The following GEMIN8 variants were observed in gnomAD, a reference collection of about 807,000 sequenced individuals.
The protein encoded by GEMIN8 is gem nuclear organelle associated protein 8.
For missense variants in GEMIN8, 185 were observed against 205.9 expected, an observed-to-expected ratio of 0.90 and a Z score of 0.62; for synonymous variants, 80 against 78.5, an observed-to-expected ratio of 1.02 and a Z score of -0.10.
At chrX:13,991,559 C>A in the GEMIN8 span, among the ~76,000 whole-genome samples, 4 of 111,561 alleles carry the variant, frequency 3.6e-5, no homozygotes. Context: ...CCTGTTCTAC[C>A]TCCTCTCAAT....
chrX:14,000,707 CTT>C, the GEMIN8 span, among the ~76,000 whole-genome samples: 2 of 111,189 alleles, frequency 1.8e-5, no homozygotes, highest in Non-Finnish European at 3.8e-5. Context: ...AGATTTGTCT[CTT>C]CTCTCCATAT....
At chrX:14,005,195 T>G (rs1023513), downstream of GEMIN8, among the ~76,000 whole-genome samples, 1 of 108,261 alleles carries the variant, frequency 9.2e-6, no homozygotes, top group African/African-American at 3.4e-5. Flanking sequence ...TCTAATGAGG[T>G]GACTCTTGGT....
At chrX:13,984,867 G>A in the GEMIN8 span, among the ~76,000 whole-genome samples, 21 of 111,757 alleles carry the variant, frequency 1.9e-4, no homozygotes, top group Non-Finnish European at 1.9e-4. Flanking sequence ...TAGCCACTAG[G>A]GCAAGGGAGT....
At chrX:14,027,135 C>A (rs1038011544) in intron 1 of GEMIN8, 1 of 112,990 alleles carries the variant, frequency 8.9e-6, no homozygotes, top group Non-Finnish European at 1.9e-5. Context: ...ATAACCCTAT[C>A]ACAGAAGATG....
chrX:14,005,600 T>C (rs1360688730), downstream of GEMIN8, among the ~76,000 whole-genome samples: 1 of 105,267 alleles, frequency 9.5e-6, no homozygotes, highest in Non-Finnish European at 2.0e-5. Flanking sequence ...TGAGCCTTCC[T>C]AGGAAATTAA....
chrX:13,992,440 A>T, the GEMIN8 span, among the ~76,000 whole-genome samples: 1 of 111,634 alleles, frequency 9.0e-6, no homozygotes, highest in African/African-American at 3.3e-5. Context: ...ATAGGTAGAG[A>T]AATGTCAAAA....
At chrX:14,018,766 C>CT (rs58528171) in intron 4 of GEMIN8, among the ~76,000 whole-genome samples, 1,577 of 91,779 alleles carry the variant, frequency 0.017, 14 homozygotes, top group Non-Finnish European at 0.021. Flanking sequence ...CTTTTCTTTT[C>CT]TTTTTTTTTT....
At chrX:14,021,547 A>G in intron 2 of GEMIN8, 36 bp from the exon 3 acceptor site, 1 of 1,022,321 alleles carries the variant, frequency 9.8e-7, no homozygotes, top group African/African-American at 1.9e-5. Context: ...ACGTCTGATC[A>G]GTATGGCTGT....
At chrX:14,006,249 G>A (rs139345062), downstream of GEMIN8, among the ~76,000 whole-genome samples, 517 of 110,388 alleles carry the variant, frequency 4.7e-3, 4 homozygotes, top group African/African-American at 0.016. Flanking sequence ...GGCTGGTCTC[G>A]AACTCCTGAC....
intron 2 of GEMIN8, among the ~76,000 whole-genome samples, chrX:14,021,812 G>A (rs1296110374): frequency 2.2e-5 from 1 of 44,707 alleles, no homozygotes; most frequent in South Asian, 9.5e-4. Flanking sequence ...GTTAATGTGT[G>A]TGTATATATA....
Position 14,007,694 on chromosome X carries a change from A to C in GEMIN8, c.*1219T>G, listed in dbSNP as rs1422603874. Among the ~76,000 whole-genome samples, 1 of 108,532 alleles carries C rather than the reference A, an allele frequency of 9.2e-6. No homozygotes were observed. Among genetic ancestry groups the C allele is most frequent in the African/African-American group, 3.4e-5 (1 of 29,705 alleles). The allele number at this position is 108,532 out of a possible 115,157, so 94.2% of individuals were successfully genotyped here. A position where few individuals can be genotyped will look rare whatever the true frequency, so the allele number is the denominator to read the frequency against. ...AGGTGCCCGCCACCACGCCCGGCTA[A>C]TTTTTTGTATTTTTAGTAGAGATGG... On this transcript the variant is annotated 3_prime_UTR_variant, in exon 5 of 5. Transcript: ENST00000680255.
At chrX:13,994,743 TC>T in the GEMIN8 span, among the ~76,000 whole-genome samples, 1 of 112,205 alleles carries the variant, frequency 8.9e-6, no homozygotes, top group Non-Finnish European at 1.9e-5. Flanking sequence ...CCTCAAACTG[TC>T]CCATGGAGTA....
intron 2 of GEMIN8, among the ~76,000 whole-genome samples, chrX:14,021,965 CATAT>C (rs202216701): frequency 7.2e-5 from 7 of 97,500 alleles, no homozygotes; most frequent in African/African-American, 2.3e-4. Context: ...TATGTATACA[CATAT>C]ATATGTGTGT....
chrX:14,004,757 T>C (rs1285246779), downstream of GEMIN8, among the ~76,000 whole-genome samples: 3 of 111,524 alleles, frequency 2.7e-5, no homozygotes, highest in African/African-American at 9.8e-5. Context: ...GAGACGGGGT[T>C]TCACCATATT....
At chrX:14,016,864 A>AT (rs57272772) in intron 4 of GEMIN8, among the ~76,000 whole-genome samples, 10 of 74,058 alleles carry the variant, frequency 1.4e-4, no homozygotes, top group East Asian at 7.2e-4. Context: ...AAAAAAAAAA[A>AT]AAATATATAT....
intron 4 of GEMIN8, among the ~76,000 whole-genome samples, chrX:14,015,628 T>C (rs1388652103): frequency 2.7e-5 from 3 of 112,527 alleles, no homozygotes; most frequent in Non-Finnish European, 1.9e-5. Flanking sequence ...CGATGATGAA[T>C]TGCATAACTT....
chrX:14,003,435 C>G (rs2147108248), downstream of GEMIN8, among the ~76,000 whole-genome samples: 1 of 112,739 alleles, frequency 8.9e-6, no homozygotes, highest in South Asian at 3.7e-4. Context: ...TCCTTCAACA[C>G]ATTTCTGAAA....
At position 14,020,281 on chromosome X, in the gene GEMIN8, G is replaced by C. The variant is rs1924217058; in HGVS notation, c.269C>G (p.Ser90Cys). Residue 90 changes from serine to cysteine, a missense_variant, in exon 4 of 5, where the codon TCT (serine) becomes TGT (cysteine). Coordinates refer to ENST00000680255, the MANE Select transcript of GEMIN8 (RefSeq NM_001042479.2). ...CTGCCCAGATCTTCTGAAATGTGAA[G>C]AACTGCAGGGGTAGTCCTGCCAGGC... is the stretch of plus-strand genomic sequence containing the variant. The part of the protein sequence containing the change: ...HVAWQDYPCS[S>C]SHFRRSGQHP... 1 of 1,210,551 alleles carries C rather than the reference G, an allele frequency of 8.3e-7. No homozygotes were observed. The highest frequency in any genetic ancestry group is 1.7e-5 in the African/African-American group (1 of 57,771).
the GEMIN8 span, among the ~76,000 whole-genome samples, chrX:13,993,207 A>G: frequency 9.0e-6 from 1 of 111,590 alleles, no homozygotes; most frequent in African/African-American, 3.3e-5. Flanking sequence ...CACAGCATCC[A>G]TGGTTTAGCA....
Sources: gnomAD v4.1 joint callset for allele counts (sites outside exome capture counted in the v4.1 genomes callset) on GRCh38, gnomAD v4.1.1 for gene constraint, MANE v1.5 for transcripts, NCBI Gene and HGNC (gene_info 2026-07-23, HGNC 2026-07-21) for gene names.